GPHN: variants seen among roughly 807,000 people sequenced by gnomAD.
GPHN encodes gephyrin.
Under a neutral mutation model 95.5 loss-of-function variants are expected in GPHN, and 17 were observed. That is an observed-to-expected ratio of 0.18 (90% confidence interval 0.12 to 0.27). The LOEUF (loss-of-function observed/expected upper bound fraction) is 0.27. Ranked by LOEUF, GPHN falls within the 10% of genes least tolerant of loss-of-function variation. The pLI, the probability that GPHN is intolerant of heterozygous loss-of-function variation, is 1.00. For synonymous variants in GPHN, 320 were observed against 322.5 expected (o/e 0.99, Z 0.08); for missense variants, 660 against 978.1 (o/e 0.67, Z 4.34).
In GPHN at chr14:66,827,099, C is replaced by T. The variant is rs763884119; in HGVS notation, c.294+2533C>T. Among the ~76,000 whole-genome samples, 3 of 152,188 alleles carry T rather than the reference C, an allele frequency of 2.0e-5. 1 individual carries two copies. Among genetic ancestry groups the T allele is most frequent in the Middle Eastern group, 6.8e-3 (2 of 294 alleles). ...AGGAGTTCAAGACAAGCCTGGCCAA[C>T]AAAGTGAGACCATGTCTTTACTAAA... On this transcript the variant is annotated intron_variant, in intron 4 of 22. Coordinates refer to ENST00000478722, the MANE Select transcript of GPHN (RefSeq NM_020806.5).
chr14:66,553,656 A>G (rs1310543448), intron 1 of GPHN, among the ~76,000 whole-genome samples: 2 of 151,794 alleles, frequency 1.3e-5, no homozygotes, highest in Non-Finnish European at 2.9e-5. Context: ...TGTTCACTGC[A>G]ACTTCTGCCT....
chr14:67,204,995 C>G, the GPHN span: 4 of 1,565,720 alleles, frequency 2.6e-6, no homozygotes, highest in African/African-American at 5.4e-5. Flanking sequence ...AGAGAAGCCA[C>G]GGAAGTCACA....
intron 1 of GPHN, among the ~76,000 whole-genome samples, chr14:66,658,823 C>G (rs2065459962): frequency 6.6e-6 from 1 of 151,396 alleles, no homozygotes; most frequent in South Asian, 2.1e-4. Context: ...TGCAGTACCT[C>G]CAAGGTGTGC....
chr14:66,998,766 C>G (rs988498643), intron 9 of GPHN, among the ~76,000 whole-genome samples: 4 of 151,862 alleles, frequency 2.6e-5, no homozygotes, highest in South Asian at 4.2e-4. Flanking sequence ...AAAAAATAAG[C>G]CTTGCTCAAA....
chr14:67,701,823 T>C, the GPHN span: 1 of 152,176 alleles, frequency 6.6e-6, no homozygotes, highest in Non-Finnish European at 1.5e-5. Flanking sequence ...AGGAAAATAA[T>C]TTACCATGTA....
rs1032452747 is a variant in GPHN at position 67,100,734 on chromosome 14, A to G, written c.1238-122A>G. The G allele has an allele frequency of 8.3e-6, 6 of 726,186 alleles. No individual in the cohort carries two copies. In the African/African-American group the frequency reaches 1.0e-4, roughly 13 times the overall value. 45.0% of individuals were successfully genotyped at this position (726,186 alleles called of 1,614,324 possible). A position where few individuals can be genotyped will look rare whatever the true frequency, so the allele number is the denominator to read the frequency against. ...GTCAAGTCTAGGAGATCAGAAAAAT[A>G]TTCCACTTCTCTAAGCCTTATCAAA... On this transcript the variant is annotated intron_variant, in intron 12 of 22. Transcript: ENST00000478722.
the GPHN span, among the ~76,000 whole-genome samples, chr14:67,641,885 G>T: frequency 6.6e-6 from 1 of 151,956 alleles, no homozygotes; most frequent in Non-Finnish European, 1.5e-5. Flanking sequence ...TAAGATTGTT[G>T]GTTCTTTTTG....
chr14:67,217,406 T>A, the GPHN span, among the ~76,000 whole-genome samples: 7 of 152,224 alleles, frequency 4.6e-5, no homozygotes. Flanking sequence ...TCTATTTACA[T>A]TTAAGGTTAT....
intron 4 of GPHN, among the ~76,000 whole-genome samples, chr14:66,865,927 A>G (rs1228964637): frequency 6.6e-6 from 1 of 152,200 alleles, no homozygotes; most frequent in Admixed American, 6.5e-5. Flanking sequence ...AACATTGAAC[A>G]TCAAGGTAGC....
chr14:67,405,290 T>C, the GPHN span, among the ~76,000 whole-genome samples: 1 of 152,008 alleles, frequency 6.6e-6, no homozygotes, highest in Non-Finnish European at 1.5e-5. Context: ...AGTACTGTTT[T>C]AGTTTGTTTA....
chr14:67,161,393 C>G (rs2081973497), intron 19 of GPHN, among the ~76,000 whole-genome samples: 1 of 150,560 alleles, frequency 6.6e-6, no homozygotes, highest in Admixed American at 6.6e-5. Context: ...TTTTTCTGAG[C>G]CCATGGGCAG....
At chr14:67,641,806 CTT>C in the GPHN span, among the ~76,000 whole-genome samples, 1,771 of 152,154 alleles carry the variant, frequency 0.012, 33 homozygotes, top group African/African-American at 0.041. Context: ...ATGAGACTCT[CTT>C]TGTGTATTTT....
At chr14:67,263,943 A>C in the GPHN span, among the ~76,000 whole-genome samples, 1 of 152,108 alleles carries the variant, frequency 6.6e-6, no homozygotes, top group African/African-American at 2.4e-5. Context: ...AGGCTGGTGT[A>C]TGCTATTCAC....
intron 11 of GPHN, among the ~76,000 whole-genome samples, chr14:67,064,752 T>C (rs2075973865): frequency 1.3e-5 from 2 of 152,208 alleles, no homozygotes; most frequent in Admixed American, 1.3e-4. Context: ...TGATGGTAAT[T>C]TGTATTTCTG....
intron 9 of GPHN, among the ~76,000 whole-genome samples, chr14:67,003,095 G>A (rs563189163): frequency 2.0e-5 from 3 of 151,448 alleles, no homozygotes; most frequent in East Asian, 3.9e-4. Flanking sequence ...TTTTTCAATT[G>A]TCTTTTTCTC....
intron 10 of GPHN, among the ~76,000 whole-genome samples, chr14:67,058,078 A>G (rs1439483390): frequency 6.6e-6 from 1 of 152,254 alleles, no homozygotes; most frequent in Non-Finnish European, 1.5e-5. Flanking sequence ...AATAAGAAGC[A>G]GAAGCAGCAA....
intron 1 of GPHN, among the ~76,000 whole-genome samples, chr14:66,557,680 C>T (rs935315757): frequency 3.0e-4 from 46 of 152,086 alleles, no homozygotes; most frequent in African/African-American, 1.1e-3. Context: ...TGTTAAGTTA[C>T]AAGAAAGGTA....
At chr14:66,693,642 C>G (rs1428378450) in intron 2 of GPHN, among the ~76,000 whole-genome samples, 1 of 152,162 alleles carries the variant, frequency 6.6e-6, no homozygotes, top group Non-Finnish European at 1.5e-5. Flanking sequence ...TTGGGTAGGT[C>G]TGCCCACATT....
chr14:67,210,745 G>C, the GPHN span, among the ~76,000 whole-genome samples: 2 of 151,980 alleles, frequency 1.3e-5, no homozygotes, highest in Non-Finnish European at 2.9e-5. Flanking sequence ...GGTCATGATG[G>C]CTCAGACCTG....
Sources: allele counts gnomAD v4.1 joint callset (sites outside exome capture counted in the v4.1 genomes callset), GRCh38; gene constraint gnomAD v4.1.1; transcripts MANE v1.5; gene names NCBI Gene and HGNC (gene_info 2026-07-23, HGNC 2026-07-21).